Variants in CCDC102B observed in about 807,000 individuals in gnomAD.
CCDC102B encodes the protein coiled-coil domain-containing protein 102B.
In CCDC102B, 75 loss-of-function variants were observed where a neutral mutation model predicts 57.4. The ratio of observed to expected loss-of-function variants is 1.31; its 90% CI spans 1.08 to 1.58. The LOEUF is 1.58. CCDC102B is among the 40% of genes most tolerant of loss of function. The pLI is 0.00. For missense variants in CCDC102B, 636 were observed against 582.6 expected (o/e 1.09, Z -0.94); for synonymous variants, 206 against 201.9 (o/e 1.02, Z -0.17).
chr18:68,999,578 C>G (rs1432516449), intron 6 of CCDC102B, among the ~76,000 whole-genome samples: 1 of 152,106 alleles, frequency 6.6e-6, no homozygotes, highest in African/African-American at 2.4e-5. Flanking sequence ...TGCACTCCAG[C>G]CTGGGTGACA....
intron 2 of CCDC102B, among the ~76,000 whole-genome samples, chr18:68,730,279 C>T (rs2032798171): frequency 6.6e-6 from 1 of 152,008 alleles, no homozygotes; most frequent in Admixed American, 6.6e-5. Flanking sequence ...TATAAAAATA[C>T]AAAAAATTTA....
At position 68,810,680 on chromosome 18, in the gene CCDC102B, G is replaced by GTTTTTTTTTT. The variant is rs61714863; in HGVS notation, c.-16+12517_-16+12526dup. 1.6e-3 allele frequency among the ~76,000 whole-genome samples: 125 copies of GTTTTTTTTTT among 77,040 alleles called. 1 individual carries two copies. The highest frequency in any genetic ancestry group is 2.3e-3 in the Non-Finnish European group (97 of 41,530). 50.5% of individuals were successfully genotyped at this position (77,040 alleles called of 152,430 possible). A position where few individuals can be genotyped will look rare whatever the true frequency, so the allele number is the denominator to read the frequency against. ...TGAAAAATTTTCTTTTCTTTTCTTT[G>GTTTTTTTTTT]TTTTTTTTTTTTTTTTTTTTTTTTT... On this transcript the variant is annotated intron_variant, in intron 1 of 7. Transcript: ENST00000360242.
intron 5 of CCDC102B, among the ~76,000 whole-genome samples, chr18:68,887,526 T>C (rs2039933370): frequency 6.6e-6 from 1 of 152,226 alleles, no homozygotes; most frequent in African/African-American, 2.4e-5. Context: ...TCCATAGGCA[T>C]TGACATTTGT....
rs146102869 is a variant in CCDC102B at position 68,878,223 on chromosome 18, A to C, written c.1053+3438A>C. ...GCAATTCTCTCACCTCAGCCTCCCA[A>C]GTAGCTGGGACTACAGGTGCGCACC... On this transcript the variant is annotated intron_variant, in intron 5 of 7. Transcript: ENST00000360242. 4.1e-3 allele frequency among the ~76,000 whole-genome samples: 627 copies of C among 152,196 alleles called. 3 individuals carry two copies. The highest frequency in any genetic ancestry group is 0.014 in the African/African-American group (582 of 41,530).
chr18:68,938,774 T>A (rs2049307781), intron 6 of CCDC102B, among the ~76,000 whole-genome samples: 1 of 151,602 alleles, frequency 6.6e-6, no homozygotes, highest in African/African-American at 2.4e-5. Context: ...ATGGCCATCA[T>A]ATCAGCAGAT....
chr18:68,726,927 T>C (rs891525290), intron 2 of CCDC102B, among the ~76,000 whole-genome samples: 1 of 152,160 alleles, frequency 6.6e-6, no homozygotes, highest in Admixed American at 6.5e-5. Context: ...GAAGAGTCCA[T>C]GGATTGGAGT....
chr18:68,903,296 T>C (rs865952907), intron 6 of CCDC102B, among the ~76,000 whole-genome samples: 9 of 152,144 alleles, frequency 5.9e-5, no homozygotes, highest in Admixed American at 3.3e-4. Flanking sequence ...TTTCCTCCCT[T>C]TGTTCACATT....
chr18:68,861,959 A>C (rs2038778809), intron 4 of CCDC102B, among the ~76,000 whole-genome samples: 1 of 152,208 alleles, frequency 6.6e-6, no homozygotes, highest in Admixed American at 6.5e-5. Flanking sequence ...TAAAGGAGCT[A>C]GGTATTTGCC....
chr18:68,823,012 G>C (rs575679003), intron 1 of CCDC102B, among the ~76,000 whole-genome samples: 1 of 152,222 alleles, frequency 6.6e-6, no homozygotes, highest in South Asian at 2.1e-4. Context: ...AGCACAAATG[G>C]GAAGTACCTC....
intron 1 of CCDC102B, among the ~76,000 whole-genome samples, chr18:68,821,672 T>C (rs2036694906): frequency 6.6e-6 from 1 of 151,798 alleles, no homozygotes; most frequent in African/African-American, 2.4e-5. Flanking sequence ...TTCCTTCCAA[T>C]TGAAATATAT....
chr18:69,051,714 G>T (rs2052709176), intron 7 of CCDC102B, among the ~76,000 whole-genome samples: 2 of 151,820 alleles, frequency 1.3e-5, no homozygotes, highest in East Asian at 1.9e-4. Context: ...CTTTATAAAA[G>T]AAACTTTATA....
chr18:68,935,545 G>A (rs1599716073), intron 6 of CCDC102B, among the ~76,000 whole-genome samples: 1 of 151,912 alleles, frequency 6.6e-6, no homozygotes, highest in East Asian at 1.9e-4. Flanking sequence ...ATGTCAAATA[G>A]GCTGTAGGTA....
In CCDC102B at chr18:69,054,637, T is replaced by C. The variant is rs754703997; in HGVS notation, c.*500T>C. On this transcript the variant is annotated 3_prime_UTR_variant, in exon 8 of 8. Transcript: ENST00000360242. ...GAGGTGTAACAATACATTTCTTATA[T>C]AATTTTATAAGTCATTTCTAATCTT... 35 of 978,752 alleles carry C rather than the reference T, an allele frequency of 3.6e-5. No individual in the cohort carries two copies. The highest frequency in any genetic ancestry group is 1.1e-4 in the African/African-American group (6 of 57,078). 60.6% of individuals were successfully genotyped at this position (978,752 alleles called of 1,614,324 possible).
chr18:68,923,978 C>T (rs1441109987), intron 6 of CCDC102B, among the ~76,000 whole-genome samples: 1 of 151,994 alleles, frequency 6.6e-6, no homozygotes, highest in Non-Finnish European at 1.5e-5. Context: ...ATGCCTGTTT[C>T]ATTCTATGTT....
chr18:68,791,571 G>A (rs1470506400), intron 2 of CCDC102B, among the ~76,000 whole-genome samples: 3 of 151,914 alleles, frequency 2.0e-5, no homozygotes, highest in African/African-American at 7.3e-5. Flanking sequence ...ATAGCCTAAT[G>A]TGTACAGACT....
Position 68,925,254 on chromosome 18 carries a change from G to A in CCDC102B, c.1263+27826G>A, listed in dbSNP as rs148986832. Among the ~76,000 whole-genome samples, 9 of 152,142 alleles carry A rather than the reference G, an allele frequency of 5.9e-5. No individual in the cohort carries two copies. The East Asian group carries it at 1.7e-3, about 30-fold the overall frequency. On this transcript the variant is annotated intron_variant, in intron 6 of 7. Coordinates refer to ENST00000360242, the MANE Select transcript of CCDC102B (RefSeq NM_024781.3). Reference sequence around the variant, plus strand: ...TAGCTTCATATTAGTATCAGTTGGAGAGATGATTCAGAAATACTCAGTCAG... The same window carrying A: ...TAGCTTCATATTAGTATCAGTTGGAAAGATGATTCAGAAATACTCAGTCAG...
At chr18:68,870,112 G>A (rs575688406) in intron 4 of CCDC102B, among the ~76,000 whole-genome samples, 2 of 152,106 alleles carry the variant, frequency 1.3e-5, no homozygotes, top group Non-Finnish European at 2.9e-5. Context: ...ACCAAACACC[G>A]CTTGTTCTCA....
At chr18:69,047,320 A>G (rs572632228) in intron 7 of CCDC102B, among the ~76,000 whole-genome samples, 124 of 152,208 alleles carry the variant, frequency 8.1e-4, no homozygotes, top group Non-Finnish European at 1.3e-3. Context: ...TACAGAAAAC[A>G]CTTTCAATAA....
intron 6 of CCDC102B, among the ~76,000 whole-genome samples, chr18:69,009,480 G>A (rs968166973): frequency 6.6e-6 from 1 of 151,896 alleles, no homozygotes; most frequent in African/African-American, 2.4e-5. Flanking sequence ...GAATTGATGT[G>A]CCTCTAATTT....
Sources: gnomAD v4.1 joint callset for allele counts (sites outside exome capture counted in the v4.1 genomes callset) on GRCh38, gnomAD v4.1.1 for gene constraint, MANE v1.5 for transcripts, NCBI Gene and HGNC (gene_info 2026-07-23, HGNC 2026-07-21) for gene names.